Variants in SYK observed in about 807,000 individuals in gnomAD.
The protein encoded by SYK is spleen associated tyrosine kinase, also known as tyrosine-protein kinase SYK.
Under a neutral mutation model 77.8 loss-of-function variants are expected in SYK, and 16 were observed. The observed-to-expected ratio is 0.21, with a 90% CI of 0.14 to 0.31. SYK has a LOEUF of 0.31. Among genes scored for constraint, SYK ranks in the 10% least tolerant of loss-of-function variants. SYK has a pLI of 1.00. For synonymous variants in SYK, 312 were observed against 308.7 expected (o/e 1.01, Z -0.11); for missense variants, 529 against 814.4 (o/e 0.65, Z 4.26).
At chr9:90,852,676 G>C (rs1000513646) in intron 3 of SYK, among the ~76,000 whole-genome samples, 1 of 152,172 alleles carries the variant, frequency 6.6e-6, no homozygotes, top group Non-Finnish European at 1.5e-5. Context: ...TAGTATTTCA[G>C]ATTTGTGGAT....
At chr9:90,884,636 T>C (rs866173353) in intron 11 of SYK, among the ~76,000 whole-genome samples, 1 of 44,248 alleles carries the variant, frequency 2.3e-5, no homozygotes, top group Non-Finnish European at 4.2e-5. Context: ...TGTGTACATG[T>C]ACATATATAC....
intron 9 of SYK, among the ~76,000 whole-genome samples, chr9:90,876,231 C>G (rs7846869): frequency 0.18 from 26,759 of 149,536 alleles, 2,751 homozygotes; most frequent in Admixed American, 0.3. Flanking sequence ...AGGTTGCAGC[C>G]AGCCAAGATC....
intron 13 of SYK, among the ~76,000 whole-genome samples, chr9:90,891,270 C>T (rs999967660): frequency 7.9e-5 from 12 of 151,840 alleles, no homozygotes; most frequent in African/African-American, 2.7e-4. Context: ...CTCAGCCTCC[C>T]GAGTAGCTGG....
chr9:90,833,578 A>G (rs897665127), intron 1 of SYK, among the ~76,000 whole-genome samples: 4 of 152,152 alleles, frequency 2.6e-5, no homozygotes, highest in African/African-American at 9.7e-5. Flanking sequence ...CTCAGGTGTG[A>G]GCATCTGTGC....
At chr9:90,809,512 A>T (rs901103591) in intron 1 of SYK, among the ~76,000 whole-genome samples, 12 of 152,228 alleles carry the variant, frequency 7.9e-5, no homozygotes, top group African/African-American at 2.9e-4. Flanking sequence ...GAGGGAGGAC[A>T]CAGGCTCAGT....
At chr9:90,817,845 T>TTGTGTGTGTGTGTGTGTGTGTGTG (rs746939088) in intron 1 of SYK, among the ~76,000 whole-genome samples, 2 of 137,548 alleles carry the variant, frequency 1.5e-5, no homozygotes, top group Non-Finnish European at 3.1e-5. Flanking sequence ...CTCAATAATG[T>TTGTGTGTGTGTGTGTGTGTGTGTG]TGTGTGTGTG....
At chr9:90,811,011 A>G (rs1466290601) in intron 1 of SYK, among the ~76,000 whole-genome samples, 1 of 152,148 alleles carries the variant, frequency 6.6e-6, no homozygotes, top group East Asian at 1.9e-4. Flanking sequence ...ATAAATTCCA[A>G]GCTGAACAAA....
In SYK at chr9:90,814,495, A is replaced by G. The variant is rs75014153; in HGVS notation, c.-42+12602A>G. On this transcript the variant is annotated intron_variant, in intron 1 of 13. Transcript: ENST00000375754. ...AGGTGTGTGTCAGGCAGAGTAGAAC[A>G]GGTATTTCCATTGCTGTAGCAAGGT... Among the ~76,000 whole-genome samples the G allele has an allele frequency of 2.2e-3, 341 of 152,302 alleles. 3 individuals are homozygous for G. The highest frequency in any genetic ancestry group is 8.1e-3 in the African/African-American group (337 of 41,568).
Position 90,884,489 on chromosome 9 carries a change from A to G in SYK, c.1582-3260A>G, listed in dbSNP as rs1343738862. The stretch of plus-strand genomic sequence containing the variant: ...TGTGTACATATACATACACACACAT[A>G]CACATATGTGTACATGTACATACAT... On this transcript the variant is annotated intron_variant, in intron 11 of 13. Transcript: ENST00000375754. Among the ~76,000 whole-genome samples the G allele has an allele frequency of 3.4e-5, 4 of 116,864 alleles. 2 individuals carry two copies. Among genetic ancestry groups the G allele is most frequent in the East Asian group, 5.6e-4 (2 of 3,540 alleles). 76.7% of individuals were successfully genotyped at this position (116,864 alleles called of 152,430 possible). A position where few individuals can be genotyped will look rare whatever the true frequency, so the allele number is the denominator to read the frequency against.
At chr9:90,835,285 T>C (rs1167704262) in intron 1 of SYK, among the ~76,000 whole-genome samples, 2 of 152,206 alleles carry the variant, frequency 1.3e-5, no homozygotes, top group Admixed American at 1.3e-4. Context: ...AGGGAAGCTG[T>C]TCATTCTCCA....
chr9:90,869,701 C>G (rs1000020787), intron 7 of SYK, among the ~76,000 whole-genome samples: 3 of 152,128 alleles, frequency 2.0e-5, no homozygotes, highest in African/African-American at 7.2e-5. Flanking sequence ...CCTATAGCAT[C>G]TAGATAGTTA....
intron 1 of SYK, among the ~76,000 whole-genome samples, chr9:90,836,002 A>G (rs1826069001): frequency 6.6e-6 from 1 of 152,210 alleles, no homozygotes; most frequent in African/African-American, 2.4e-5. Context: ...AATATAAAAA[A>G]TGTTGGCCGG....
intron 5 of SYK, 125 bp from the exon 6 acceptor site, chr9:90,864,923 G>C (rs1827420981): frequency 5.2e-6 from 5 of 956,110 alleles, no homozygotes; most frequent in Non-Finnish European, 8.3e-6. Flanking sequence ...AGAAGTACCT[G>C]CAGAAAGCGT....
intron 1 of SYK, among the ~76,000 whole-genome samples, chr9:90,842,120 T>A (rs111207156): frequency 0.058 from 7,627 of 131,710 alleles, 26 homozygotes; most frequent in Non-Finnish European, 0.087. Flanking sequence ...TTGTATGTGG[T>A]ATGTATGTAA....
At chr9:90,853,507 GTGGCACATA>G (rs554625932) in intron 3 of SYK, among the ~76,000 whole-genome samples, 59 of 152,222 alleles carry the variant, frequency 3.9e-4, no homozygotes, top group African/African-American at 1.4e-3. Flanking sequence ...TTAAGAAAAT[GTGGCACATA>G]TACACCATGG....
chr9:90,818,854 CT>C (rs1825401273), intron 1 of SYK, among the ~76,000 whole-genome samples: 2 of 152,222 alleles, frequency 1.3e-5, no homozygotes, highest in African/African-American at 4.8e-5. Context: ...GCTTCATGGC[CT>C]TCTCTACCCT....
chr9:90,880,090 G>A (rs777922529), intron 11 of SYK, among the ~76,000 whole-genome samples: 6 of 152,212 alleles, frequency 3.9e-5, no homozygotes, highest in Non-Finnish European at 8.8e-5. Context: ...GAAATAGATG[G>A]CAGACCTTCA....
At chr9:90,843,395 T>C (rs1037394404) in intron 1 of SYK, among the ~76,000 whole-genome samples, 1 of 152,156 alleles carries the variant, frequency 6.6e-6, no homozygotes, top group Non-Finnish European at 1.5e-5. Context: ...AGCGTCCTCC[T>C]TGGTAATATC....
intron 7 of SYK, among the ~76,000 whole-genome samples, chr9:90,871,277 A>G (rs1198444403): frequency 6.6e-6 from 1 of 152,358 alleles, no homozygotes; most frequent in South Asian, 2.1e-4. Flanking sequence ...AAATGAAGAA[A>G]GTGGAATGGT....
Sources: allele counts gnomAD v4.1 joint callset (sites outside exome capture counted in the v4.1 genomes callset), GRCh38; gene constraint gnomAD v4.1.1; transcripts MANE v1.5; gene names NCBI Gene and HGNC (gene_info 2026-07-23, HGNC 2026-07-21).